CAPN10: variants seen among roughly 807,000 people sequenced by gnomAD.
The protein encoded by CAPN10 is calpain-10.
Under a neutral mutation model 78.4 loss-of-function variants are expected in CAPN10, and 71 were observed. The observed-to-expected ratio is 0.91, with a 90% CI of 0.75 to 1.10. The LOEUF (loss-of-function observed/expected upper bound fraction) is 1.10. Ranked by LOEUF, CAPN10 falls within the 50% of genes least tolerant of loss-of-function variation. The probability of loss-of-function intolerance (pLI) is 0.00; values close to 1 mark genes in which losing one functional copy is unlikely to be tolerated. For missense variants in CAPN10, 849 were observed against 924.6 expected, an observed-to-expected ratio of 0.92 and a Z score of 1.06; for synonymous variants, 437 against 407.2, an observed-to-expected ratio of 1.07 and a Z score of -0.88.
At chr2:240,591,301 C>G (rs779147258) in intron 3 of CAPN10, 2 of 371,568 alleles carry the variant, frequency 5.4e-6, no homozygotes, top group Non-Finnish European at 9.8e-6. Flanking sequence ...TCGGCCCCAG[C>G]AAGAAAGATG....
chr2:240,590,943 ACT>A lies in CAPN10; in HGVS notation c.405_406del (p.Cys136PhefsTer143), dbSNP rs778087684. The stretch of plus-strand genomic sequence containing the variant: ...ACCGCCTGCCGTGCCTTGCAGGGAG[ACT>A]CTGTTTCTCCCGCTGCCAGAGGGAG... ...DDRLPCLAGR[L>X]CFSRCQREDV... On this transcript the variant is annotated frameshift_variant, in exon 3 of 12. Transcript: ENST00000391984. LOFTEE classifies it high-confidence loss of function. The A allele has an allele frequency of 5.3e-5, 85 of 1,613,784 alleles. No homozygotes were observed. The highest frequency in any genetic ancestry group is 6.0e-5 in the Non-Finnish European group (71 of 1,179,958).
chr2:240,592,218 CTG>C, intron 4 of CAPN10, 68 bp downstream of exon 4: 2 of 1,341,160 alleles, frequency 1.5e-6, no homozygotes, highest in Non-Finnish European at 2.1e-6. Context: ...CTCAGGCACA[CTG>C]TAGCTTTTTA....
At chr2:240,594,089 GC>G in intron 5 of CAPN10, 42 bp downstream of exon 5, 1 of 1,529,176 alleles carries the variant, frequency 6.5e-7, no homozygotes. Context: ...CGGGAGGGGG[GC>G]CCAGTGCCAG....
Position 240,594,667 on chromosome 2 carries a change from TA to T in CAPN10, c.956del (p.Tyr319SerfsTer109). The T allele has an allele frequency of 6.2e-7, 1 of 1,613,822 alleles. No individual in the cohort carries two copies. Among genetic ancestry groups the T allele is most frequent in the Non-Finnish European group, 8.5e-7 (1 of 1,179,992 alleles). On this transcript the variant is annotated frameshift_variant, in exon 6 of 12. Coordinates refer to ENST00000391984, the MANE Select transcript of CAPN10 (RefSeq NM_023083.4). LOFTEE classifies it high-confidence loss of function. ...LREFDELTVGYPVTEAGHLQS... is the reference protein window; with the variant it reads ...LREFDELTVGXPVTEAGHLQS... The stretch of plus-strand genomic sequence containing the variant: ...GGAGTTTGACGAGCTCACCGTTGGC[TA>T]CCCGGTCACGGAGGCCGGCCACCTG...
intron 1 of CAPN10, among the ~76,000 whole-genome samples, chr2:240,588,343 G>A (rs2093081176): frequency 6.6e-6 from 1 of 152,162 alleles, no homozygotes; most frequent in Non-Finnish European, 1.5e-5. Flanking sequence ...TGTCTCGGGG[G>A]AGTATCAGTA....
In CAPN10 at chr2:240,587,072, G is replaced by A; in HGVS notation, c.141+20G>A. On this transcript the variant is annotated intron_variant, in intron 1 of 11. Transcript: ENST00000391984. ...CCCCAGGTGGGGCCGTGTGGGGTGC[G>A]GTGGGCGCCGTTTCTGGTTTCTGAG... The A allele has an allele frequency of 4.4e-6, 6 of 1,358,382 alleles. No individual in the cohort carries two copies. The highest frequency in any genetic ancestry group is 4.8e-6 in the Non-Finnish European group (5 of 1,049,258). The allele number at this position is 1,358,382 out of a possible 1,614,324, so 84.1% of individuals were successfully genotyped here.
chr2:240,598,790 C>A lies in CAPN10; in HGVS notation c.*110C>A. On this transcript the variant is annotated 3_prime_UTR_variant, in exon 12 of 12. Coordinates refer to ENST00000391984, the MANE Select transcript of CAPN10 (RefSeq NM_023083.4). Reference sequence around the variant, plus strand: ...TGTGGGGGCTGGTCCTGAGTCTTGGCCTGCCTCCCAGCCCTGCCAGGAGGC... The same window carrying A: ...TGTGGGGGCTGGTCCTGAGTCTTGGACTGCCTCCCAGCCCTGCCAGGAGGC... 1 of 1,083,500 alleles carries A rather than the reference C, an allele frequency of 9.2e-7. No individual in the cohort carries two copies. The highest frequency in any genetic ancestry group is 1.4e-6 in the Non-Finnish European group (1 of 725,740). The allele number at this position is 1,083,500 out of a possible 1,614,324, so 67.1% of individuals were successfully genotyped here. A position where few individuals can be genotyped will look rare whatever the true frequency, so the allele number is the denominator to read the frequency against.
chr2:240,591,209 C>T (rs560313184), intron 3 of CAPN10, 198 bp downstream of exon 3: 1 of 571,876 alleles, frequency 1.7e-6, no homozygotes, highest in Non-Finnish European at 3.1e-6. Context: ...ATTGCCCACT[C>T]CCTGCTTTCC....
intron 2 of CAPN10, chr2:240,590,553 A>G (rs1292000988): frequency 2.2e-6 from 1 of 451,570 alleles, no homozygotes; most frequent in African/African-American, 2.0e-5. Flanking sequence ...AGGCGCCGAC[A>G]TCCAGGTGTG....
rs1393752987 is a variant in CAPN10, at chr2:240,591,925, T to A, written c.471-8T>A. On this transcript the variant is annotated splice_polypyrimidine_tract_variant and splice_region_variant and intron_variant, in intron 3 of 11. Transcript: ENST00000391984. ...GAGGCTCACTCCCATGGTGATTGTG[T>A]CCCCTAGGGTCCATGGGTCCTACGA... 6.2e-7 allele frequency: 1 copy of A among 1,610,330 alleles called. No homozygotes were observed. The highest frequency in any genetic ancestry group is 8.5e-7 in the Non-Finnish European group (1 of 1,178,310).
At chr2:240,589,665 G>T (rs1035485692) in intron 2 of CAPN10, 191 bp downstream of exon 2, 6 of 736,470 alleles carry the variant, frequency 8.1e-6, no homozygotes, top group East Asian at 5.6e-5. Context: ...TGCAGGGGGG[G>T]GTGCCTTGGC....
chr2:240,592,465 G>GT (rs1559424569), intron 4 of CAPN10: 2 of 607,524 alleles, frequency 3.3e-6, no homozygotes, highest in Non-Finnish European at 3.2e-6. Context: ...ATCAAAACCT[G>GT]TTTTTTATTT....
At chr2:240,591,362 G>A (rs2093100918) in intron 3 of CAPN10, 1 of 268,456 alleles carries the variant, frequency 3.7e-6, no homozygotes, top group Admixed American at 4.9e-5. Flanking sequence ...TCATTGTGTA[G>A]TCGTTGGGGA....
At position 240,591,706 on chromosome 2, in the gene CAPN10, T is replaced by C. The variant is rs1235948411; in HGVS notation, c.471-227T>C. 1.1e-4 allele frequency: 64 copies of C among 574,404 alleles called. 1 individual carries two copies. In the South Asian group the frequency reaches 1.4e-3, roughly 13 times the overall value. The allele number at this position is 574,404 out of a possible 1,614,324, so 35.6% of individuals were successfully genotyped here. A position where few individuals can be genotyped will look rare whatever the true frequency, so the allele number is the denominator to read the frequency against. ...CCCACACCGGATGCCAGAGAGTTTC[T>C]GTGTGTGGGCAGAGGACTGCAGGGC... is the stretch of plus-strand genomic sequence containing the variant. On this transcript the variant is annotated intron_variant, in intron 3 of 11. Transcript: ENST00000391984.
At chr2:240,593,133 C>T (rs900444876) in intron 4 of CAPN10, among the ~76,000 whole-genome samples, 3 of 152,182 alleles carry the variant, frequency 2.0e-5, no homozygotes, top group Non-Finnish European at 4.4e-5. Flanking sequence ...GGAGTGAGGG[C>T]GCTGGTCTGG....
chr2:240,587,138 A>G (rs2093073353), intron 1 of CAPN10, 86 bp downstream of exon 1: 2 of 843,352 alleles, frequency 2.4e-6, no homozygotes, highest in Non-Finnish European at 3.3e-6. Flanking sequence ...GTGGGCGGCC[A>G]GGGTAGCTCC....
chr2:240,595,859 A>G (rs973304855), intron 7 of CAPN10: 16 of 1,068,616 alleles, frequency 1.5e-5, no homozygotes, highest in Non-Finnish European at 2.6e-6. Context: ...CTGAGGGCAA[A>G]GGGCCTGAGT....
intron 5 of CAPN10, 94 bp from the exon 6 acceptor site, chr2:240,594,449 C>T (rs2093122856): frequency 3.7e-6 from 5 of 1,333,394 alleles, no homozygotes; most frequent in African/African-American, 1.5e-5. Context: ...ACTCAGGGCT[C>T]TCTGGGTCCC....
intron 4 of CAPN10, chr2:240,592,588 C>G: frequency 1.1e-5 from 5 of 450,934 alleles, no homozygotes; most frequent in South Asian, 8.1e-5. Context: ...GTGGGAGTAT[C>G]GCTGGAGCCC....
Sources: gnomAD v4.1 joint callset for allele counts (sites outside exome capture counted in the v4.1 genomes callset) on GRCh38, gnomAD v4.1.1 for gene constraint, MANE v1.5 for transcripts, NCBI Gene and HGNC (gene_info 2026-07-23, HGNC 2026-07-21) for gene names.